Variants in NKAIN2 observed in about 807,000 individuals in gnomAD.
The protein encoded by NKAIN2 is sodium/potassium transporting ATPase interacting 2, also known as sodium/potassium-transporting ATPase subunit beta-1-interacting protein 2.
NKAIN2 carries 14 observed loss-of-function variants against 32.6 expected under a neutral mutation model. The ratio of observed to expected loss-of-function variants is 0.43; its 90% CI spans 0.28 to 0.67. The LOEUF is 0.67. Ranked by LOEUF, NKAIN2 falls within the 30% of genes least tolerant of loss-of-function variation. The pLI, the probability that NKAIN2 is intolerant of heterozygous loss-of-function variation, is 0.17. For missense variants in NKAIN2, 198 were observed against 258.3 expected (o/e 0.77, Z 1.60); for synonymous variants, 80 against 87.2 (o/e 0.92, Z 0.46).
At chr6:124,756,071 A>G (rs925999105) in intron 4 of NKAIN2, among the ~76,000 whole-genome samples, 21 of 152,144 alleles carry the variant, frequency 1.4e-4, no homozygotes, top group African/African-American at 5.1e-4. Context: ...TTGGTATATT[A>G]CCTTAGTTTC....
intron 3 of NKAIN2, among the ~76,000 whole-genome samples, chr6:124,399,323 G>C (rs1773530546): frequency 6.6e-6 from 1 of 152,120 alleles, no homozygotes; most frequent in Admixed American, 6.5e-5. Flanking sequence ...GATGGGTTTG[G>C]TTCACCTAGT....
chr6:124,077,821 A>G (rs1356172010), intron 1 of NKAIN2, among the ~76,000 whole-genome samples: 2 of 151,854 alleles, frequency 1.3e-5, no homozygotes, highest in African/African-American at 4.8e-5. Context: ...GCCAGTCTCA[A>G]ACTCCTGGGT....
intron 3 of NKAIN2, among the ~76,000 whole-genome samples, chr6:124,632,087 A>G (rs1359674162): frequency 6.6e-6 from 1 of 152,296 alleles, no homozygotes; most frequent in East Asian, 1.9e-4. Flanking sequence ...GTGATTTCCA[A>G]TTTCATATTG....
chr6:123,902,210 A>G (rs1019769350), intron 1 of NKAIN2, among the ~76,000 whole-genome samples: 1 of 152,146 alleles, frequency 6.6e-6, no homozygotes, highest in African/African-American at 2.4e-5. Context: ...CATACTACAT[A>G]GACTCACATT....
rs192359588 is a variant in NKAIN2 at position 124,804,914 on chromosome 6, A to G, written c.536-13473A>G. On this transcript the variant is annotated intron_variant, in intron 5 of 6. Transcript: ENST00000368417. ...TGCTAGCACAGCAGTCTGAGATCAA[A>G]CTGCAAGGCGGCAGCGAGGCTGGGG... 4.5e-3 allele frequency among the ~76,000 whole-genome samples: 691 copies of G among 152,300 alleles called. 5 individuals are homozygous for G. Among genetic ancestry groups the G allele is most frequent in the African/African-American group, 0.016 (658 of 41,566 alleles).
At position 123,886,997 on chromosome 6, in the gene NKAIN2, G is replaced by A. The variant is rs146378841; in HGVS notation, c.54+82743G>A. Among the ~76,000 whole-genome samples, 30 of 152,260 alleles carry A rather than the reference G, an allele frequency of 2.0e-4. No homozygotes were observed. In the East Asian group the frequency reaches 5.8e-3, roughly 29 times the overall value. On this transcript the variant is annotated intron_variant, in intron 1 of 6. Transcript: ENST00000368417. ...ATTTACTGCAAATATCTGTATGAAA[G>A]TGAGCCCATATATTAAAATCTGTGT...
chr6:124,620,488 T>C (rs1783066690), intron 3 of NKAIN2, among the ~76,000 whole-genome samples: 1 of 152,202 alleles, frequency 6.6e-6, no homozygotes, highest in African/African-American at 2.4e-5. Flanking sequence ...TTCAACCATA[T>C]GCTAACTTCA....
intron 4 of NKAIN2, among the ~76,000 whole-genome samples, chr6:124,737,396 C>G (rs1380074550): frequency 6.6e-6 from 1 of 151,854 alleles, no homozygotes; most frequent in Non-Finnish European, 1.5e-5. Flanking sequence ...GCTTCCCCAT[C>G]TGCCATGATT....
chr6:124,171,547 AT>A lies in NKAIN2; in HGVS notation c.55-111436del, dbSNP rs10665262. 9.0e-3 allele frequency among the ~76,000 whole-genome samples: 865 copies of A among 96,442 alleles called. 4 individuals carry two copies. The highest frequency in any genetic ancestry group is 0.042 in the South Asian group (108 of 2,596). 63.3% of individuals were successfully genotyped at this position (96,442 alleles called of 152,430 possible). On this transcript the variant is annotated intron_variant, in intron 1 of 6. Coordinates refer to ENST00000368417, the MANE Select transcript of NKAIN2 (RefSeq NM_001040214.3). ...GTTTTCGTAAGAGAGGGCCGATTTG[AT>A]TTTTTTTTTTTTTTTTTTTTTGAGA... is the stretch of plus-strand genomic sequence containing the variant.
At chr6:124,665,081 A>T (rs930863928) in intron 4 of NKAIN2, among the ~76,000 whole-genome samples, 2 of 152,130 alleles carry the variant, frequency 1.3e-5, no homozygotes, top group African/African-American at 4.8e-5. Flanking sequence ...ATTCTAGTCC[A>T]TACTACCCAA....
intron 4 of NKAIN2, among the ~76,000 whole-genome samples, chr6:124,683,427 A>T (rs544782975): frequency 6.6e-6 from 1 of 152,270 alleles, no homozygotes; most frequent in South Asian, 2.1e-4. Flanking sequence ...TCTGCTGCCC[A>T]CATGTCAAAA....
intron 3 of NKAIN2, among the ~76,000 whole-genome samples, chr6:124,385,164 C>G (rs1156265279): frequency 6.6e-6 from 1 of 152,084 alleles, no homozygotes; most frequent in Non-Finnish European, 1.5e-5. Flanking sequence ...AAGCTCAACA[C>G]CTGAATATAT....
intron 2 of NKAIN2, among the ~76,000 whole-genome samples, chr6:124,324,540 T>C (rs1797338426): frequency 1.3e-5 from 2 of 152,280 alleles, no homozygotes; most frequent in South Asian, 2.1e-4. Flanking sequence ...AATTCCTTTT[T>C]TTCTGATCTG....
rs572213154 is a variant in NKAIN2 at position 124,631,846 on chromosome 6, G to GACAC, written c.274-26338_274-26335dup. 5.3e-5 allele frequency among the ~76,000 whole-genome samples: 8 copies of GACAC among 152,088 alleles called. No homozygotes were observed. In the South Asian group the frequency reaches 1.7e-3, roughly 32 times the overall value. On this transcript the variant is annotated intron_variant, in intron 3 of 6. Transcript: ENST00000368417. ...ATTTTTAGATCTCACAACTACCCCG[G>GACAC]ACACAGAGTCAGGATGTAGTTTAAT...
chr6:124,673,145 G>C (rs1338916501), intron 4 of NKAIN2, among the ~76,000 whole-genome samples: 1 of 152,016 alleles, frequency 6.6e-6, no homozygotes, highest in Non-Finnish European at 1.5e-5. Context: ...TGTAGTATCT[G>C]TCCTTCTGTG....
chr6:124,538,211 G>T (rs550333706), intron 3 of NKAIN2, among the ~76,000 whole-genome samples: 1 of 151,070 alleles, frequency 6.6e-6, no homozygotes, highest in South Asian at 2.1e-4. Context: ...TTTTCATCTC[G>T]GTAAATTCAC....
chr6:124,179,131 A>G (rs1250029454), intron 1 of NKAIN2, among the ~76,000 whole-genome samples: 1 of 152,248 alleles, frequency 6.6e-6, no homozygotes, highest in Admixed American at 6.5e-5. Context: ...AAGAGGAATT[A>G]AGATACTAAC....
chr6:124,282,437 T>G (rs1795340861), intron 1 of NKAIN2, among the ~76,000 whole-genome samples: 1 of 150,098 alleles, frequency 6.7e-6, no homozygotes, highest in African/African-American at 2.5e-5. Context: ...CTCGTCAAAG[T>G]CCTTCATTTC....
At chr6:123,839,227 C>CAAAA (rs1200980541) in intron 1 of NKAIN2, among the ~76,000 whole-genome samples, 2 of 95,746 alleles carry the variant, frequency 2.1e-5, no homozygotes, top group Non-Finnish European at 2.3e-5. Context: ...CTAAACACTC[C>CAAAA]AAAAAAAAAA....
Sources: allele counts gnomAD v4.1 joint callset (sites outside exome capture counted in the v4.1 genomes callset), GRCh38; gene constraint gnomAD v4.1.1; transcripts MANE v1.5; gene names NCBI Gene and HGNC (gene_info 2026-07-23, HGNC 2026-07-21).